Variants in FHIP2A observed in about 807,000 individuals in gnomAD.
FHIP2A encodes the protein family with sequence similarity 160 member B1.
FHIP2A carries 46 observed loss-of-function variants against 93.5 expected under a neutral mutation model. The observed-to-expected ratio is 0.49, with a 90% CI of 0.39 to 0.63. FHIP2A has a LOEUF of 0.63. Ranked by LOEUF, FHIP2A falls within the 20% of genes least tolerant of loss-of-function variation. The pLI is 0.00. For synonymous variants in FHIP2A, 332 were observed against 326.5 expected (o/e 1.02, Z -0.18); for missense variants, 769 against 909.7 (o/e 0.85, Z 1.99).
intron 1 of FHIP2A, among the ~76,000 whole-genome samples, chr10:114,824,093 T>G (rs796643598): frequency 2.0e-5 from 3 of 152,354 alleles, no homozygotes; most frequent in African/African-American, 7.2e-5. Flanking sequence ...AATACAGGTA[T>G]GCATAGGTTA....
In FHIP2A at chr10:114,845,229, C is replaced by T. The variant is rs150658820; in HGVS notation, c.1014-138C>T. Reference sequence around the variant, plus strand: ...GGTTTCTTTTACAGAATCCTCTTCTCACTGTCCTCCAGCATTTCCTGTGTG... The same window carrying T: ...GGTTTCTTTTACAGAATCCTCTTCTTACTGTCCTCCAGCATTTCCTGTGTG... On this transcript the variant is annotated intron_variant, in intron 7 of 16. Coordinates refer to ENST00000369248, the MANE Select transcript of FHIP2A (RefSeq NM_020940.4). 1,377 of 508,306 alleles carry T rather than the reference C, an allele frequency of 2.7e-3. 11 individuals are homozygous for T. The highest frequency in any genetic ancestry group is 0.024 in the African/African-American group (1,263 of 52,936). The allele number at this position is 508,306 out of a possible 1,614,324, so 31.5% of individuals were successfully genotyped here.
intron 13 of FHIP2A, among the ~76,000 whole-genome samples, chr10:114,852,385 T>C (rs560861637): frequency 2.0e-5 from 3 of 152,222 alleles, no homozygotes; most frequent in Non-Finnish European, 4.4e-5. Flanking sequence ...GCAGAACTTA[T>C]GATTGATGCC....
At chr10:114,832,444 A>C (rs1028911098) in intron 2 of FHIP2A, among the ~76,000 whole-genome samples, 3 of 152,204 alleles carry the variant, frequency 2.0e-5, no homozygotes, top group African/African-American at 7.2e-5. Context: ...ACGTAGTAGC[A>C]ATCCAAAACA....
intron 13 of FHIP2A, among the ~76,000 whole-genome samples, chr10:114,852,990 A>G (rs1452408567): frequency 6.6e-6 from 1 of 152,186 alleles, no homozygotes; most frequent in African/African-American, 2.4e-5. Context: ...CTCGTGATTT[A>G]TTCTTTTTAC....
chr10:114,852,864 T>C (rs1164823781), intron 13 of FHIP2A, among the ~76,000 whole-genome samples: 1 of 152,224 alleles, frequency 6.6e-6, no homozygotes, highest in Non-Finnish European at 1.5e-5. Flanking sequence ...AAATATAACA[T>C]TTACGTGCAT....
intron 16 of FHIP2A, among the ~76,000 whole-genome samples, chr10:114,889,688 A>G (rs2083961018): frequency 6.6e-6 from 1 of 152,234 alleles, no homozygotes; most frequent in African/African-American, 2.4e-5. Context: ...CCTGACCTGC[A>G]GTGGAGCACC....
intron 3 of FHIP2A, among the ~76,000 whole-genome samples, chr10:114,835,221 AT>A (rs796805183): frequency 6.6e-5 from 10 of 152,314 alleles, no homozygotes; most frequent in African/African-American, 2.4e-4. Flanking sequence ...AGCATTTAGA[AT>A]ATAAACAGGT....
intron 1 of FHIP2A, among the ~76,000 whole-genome samples, chr10:114,823,208 C>T (rs1462198093): frequency 6.6e-6 from 1 of 152,198 alleles, no homozygotes; most frequent in East Asian, 1.9e-4. Context: ...GTAATAAAAA[C>T]AAACTTTAGT....
intron 16 of FHIP2A, among the ~76,000 whole-genome samples, chr10:114,891,797 G>A (rs2083976316): frequency 6.6e-6 from 1 of 151,852 alleles, no homozygotes; most frequent in Non-Finnish European, 1.5e-5. Context: ...TATATATTTA[G>A]TAGAGATGCG....
intron 16 of FHIP2A, among the ~76,000 whole-genome samples, chr10:114,874,404 C>T (rs1052815010): frequency 6.6e-6 from 1 of 152,172 alleles, no homozygotes; most frequent in Non-Finnish European, 1.5e-5. Flanking sequence ...GTAACTAGCA[C>T]AATTATATTG....
chr10:114,846,733 G>A lies in FHIP2A; in HGVS notation c.1568+5G>A. The A allele has an allele frequency of 6.3e-7, 1 of 1,585,072 alleles. No individual in the cohort carries two copies. The highest frequency in any genetic ancestry group is 8.5e-7 in the Non-Finnish European group (1 of 1,170,412). On this transcript the variant is annotated splice_donor_5th_base_variant and intron_variant, in intron 11 of 16. Transcript: ENST00000369248. ...TGGATTGATAGCAGGAGCAGTGTAA[G>A]TTTCCATCCAACTCCGTGAGTTCAG... is the stretch of plus-strand genomic sequence containing the variant.
intron 14 of FHIP2A, 52 bp from the exon 15 acceptor site, chr10:114,860,697 A>G: frequency 1.4e-6 from 2 of 1,383,640 alleles, no homozygotes; most frequent in African/African-American, 1.4e-5. Context: ...TAAATTAAGC[A>G]CACCGGTATA....
chr10:114,879,342 T>G (rs1402304011), intron 16 of FHIP2A, among the ~76,000 whole-genome samples: 1 of 152,120 alleles, frequency 6.6e-6, no homozygotes, highest in Admixed American at 6.6e-5. Flanking sequence ...CTATTTTACC[T>G]CCCTCCCTTG....
At chr10:114,876,683 G>T (rs2083890933) in intron 16 of FHIP2A, among the ~76,000 whole-genome samples, 1 of 152,168 alleles carries the variant, frequency 6.6e-6, no homozygotes, top group South Asian at 2.1e-4. Flanking sequence ...GGCTCAGATG[G>T]ACTCTCAAGC....
chr10:114,823,708 A>G (rs2083557180), intron 1 of FHIP2A, among the ~76,000 whole-genome samples: 2 of 150,486 alleles, frequency 1.3e-5, no homozygotes, highest in South Asian at 4.2e-4. Context: ...CATGTTAGCC[A>G]GGCTGCTCTC....
chr10:114,897,405 A>G (rs1332826567), intron 16 of FHIP2A, among the ~76,000 whole-genome samples: 1 of 152,210 alleles, frequency 6.6e-6, no homozygotes, highest in Non-Finnish European at 1.5e-5. Flanking sequence ...TTTCTGCAGA[A>G]AGTCAAAATG....
chr10:114,822,481 C>T (rs2083537593), intron 1 of FHIP2A, among the ~76,000 whole-genome samples: 1 of 152,180 alleles, frequency 6.6e-6, no homozygotes, highest in African/African-American at 2.4e-5. Flanking sequence ...GGCGGGGTCG[C>T]AGAGAGCTCC....
At chr10:114,868,673 C>A (rs1166056343), downstream of FHIP2A, among the ~76,000 whole-genome samples, 1 of 152,104 alleles carries the variant, frequency 6.6e-6, no homozygotes, top group Non-Finnish European at 1.5e-5. Flanking sequence ...AATCTAAATA[C>A]CACCATGGGT....
intron 16 of FHIP2A, among the ~76,000 whole-genome samples, chr10:114,882,408 AC>A (rs2083921660): frequency 6.6e-6 from 1 of 152,178 alleles, no homozygotes; most frequent in African/African-American, 2.4e-5. Flanking sequence ...GGATGAGAAA[AC>A]AGGCTCAGAG....
Sources: allele counts gnomAD v4.1 joint callset (sites outside exome capture counted in the v4.1 genomes callset), GRCh38; gene constraint gnomAD v4.1.1; transcripts MANE v1.5; gene names NCBI Gene and HGNC (gene_info 2026-07-23, HGNC 2026-07-21).